NIN: variants seen among roughly 807,000 people sequenced by gnomAD.
NIN encodes ninein.
In NIN, 137 loss-of-function variants were observed where a neutral mutation model predicts 257.6. That is an observed-to-expected ratio of 0.53 (90% CI 0.46 to 0.61). The LOEUF (loss-of-function observed/expected upper bound fraction) is 0.61, where lower values mean the gene tolerates loss of function less well. NIN is among the 20% of genes least tolerant of loss of function. The probability of loss-of-function intolerance (pLI) is 0.00; values close to 1 mark genes in which losing one functional copy is unlikely to be tolerated. For synonymous variants in NIN, 918 were observed against 919.8 expected (o/e 1.00, Z 0.04); for missense variants, 2,439 against 2,501.2 (o/e 0.98, Z 0.53).
chr14:50,749,661 A>G (rs1438266277), intron 21 of NIN, among the ~76,000 whole-genome samples: 1 of 152,022 alleles, frequency 6.6e-6, no homozygotes, highest in East Asian at 1.9e-4. Context: ...TTAAATTTTT[A>G]TATCAATATG....
Position 50,777,274 on chromosome 14 carries a change from G to C in NIN, c.476-135C>G, listed in dbSNP as rs2042960125. ...ATAAATGTCAATTCCATTTTGATTT[G>C]GTCCTGAAGCTCCCATGAAACAGAA... On this transcript the variant is annotated intron_variant, in intron 6 of 30. Transcript: ENST00000530997. 4 of 696,294 alleles carry C rather than the reference G, an allele frequency of 5.7e-6. No individual in the cohort carries two copies. The South Asian group carries it at 8.1e-5, about 14-fold the overall frequency. 43.1% of individuals were successfully genotyped at this position (696,294 alleles called of 1,614,324 possible). A position where few individuals can be genotyped will look rare whatever the true frequency, so the allele number is the denominator to read the frequency against.
rs749099034 is a variant in NIN, at chr14:50,723,643, C to G, written c.6222G>C (p.Met2074Ile). The G allele has an allele frequency of 1.1e-5, 18 of 1,613,742 alleles. No homozygotes were observed. The highest frequency in any genetic ancestry group is 1.5e-5 in the Non-Finnish European group (18 of 1,179,804). ...QLCKNTKADA[M>I]VKDLYVENAQ... ...CATTTTCAACATACAAGTCCTTCACCATTGCGTCTGCCTTAGTGTTCTTGC... is the reference window on the plus strand; with the variant it reads ...CATTTTCAACATACAAGTCCTTCACGATTGCGTCTGCCTTAGTGTTCTTGC... Residue 2074 changes from methionine to isoleucine, a missense_variant, in exon 31 of 31, where the codon ATG (methionine) becomes ATC (isoleucine). Coordinates refer to ENST00000530997, the MANE Select transcript of NIN (RefSeq NM_020921.4).
At chr14:50,743,554 T>TAAAAGGGAAA (rs749277584) in intron 23 of NIN, 25 bp from the exon 24 acceptor site, 5 of 1,476,672 alleles carry the variant, frequency 3.4e-6, no homozygotes, top group Non-Finnish European at 1.9e-6. Flanking sequence ...GAAAAAGAGG[T>TAAAAGGGAAA]AAGAGGGCAT....
chr14:50,808,255 G>C (rs1373845770), intron 3 of NIN, among the ~76,000 whole-genome samples: 3 of 152,158 alleles, frequency 2.0e-5, no homozygotes, highest in Non-Finnish European at 4.4e-5. Context: ...GGGAGGGGCG[G>C]CCAGGTCCTG....
At position 50,806,809 on chromosome 14, in the gene NIN, C is replaced by T. The variant is rs1429396537; in HGVS notation, c.193G>A (p.Asp65Asn). ...AGTATTAATGCTTCTTTAAATTGGT[C>T]AAAATGTACCTAAAAAAAATTAAAA... ...QDNLLGRVHF[D>N]QFKEALILIL... Residue 65 changes from aspartate (D) to asparagine (N), a missense_variant, in exon 4 of 31, where the codon GAC becomes AAC. By Grantham distance (23) the Asp-to-Asn change is conservative. Around this residue, in one of 3 missense-constraint regions of NIN, gnomAD observed 387 missense variants for 427.3 expected, o/e 0.91. Coordinates refer to ENST00000530997, the MANE Select transcript of NIN (RefSeq NM_020921.4). 1 of 1,477,250 alleles carries T rather than the reference C, an allele frequency of 6.8e-7. No homozygotes were observed. Among genetic ancestry groups the T allele is most frequent in the Admixed American group, 1.8e-5 (1 of 56,448 alleles). The allele number at this position is 1,477,250 out of a possible 1,614,324, so 91.5% of individuals were successfully genotyped here.
intron 3 of NIN, among the ~76,000 whole-genome samples, chr14:50,812,831 A>G (rs2044699737): frequency 6.6e-6 from 1 of 152,250 alleles, no homozygotes; most frequent in South Asian, 2.1e-4. Flanking sequence ...ATTAACTCAG[A>G]GGCTCTTCAG....
rs746586999 is a variant in NIN, at chr14:50,758,255, T to TA, written c.2774dup (p.Ser926IlefsTer2). The TA allele has an allele frequency of 1.1e-5, 18 of 1,614,118 alleles. No individual in the cohort carries two copies. Among genetic ancestry groups the TA allele is most frequent in the Non-Finnish European group, 1.4e-5 (17 of 1,180,048 alleles). The stretch of plus-strand genomic sequence containing the variant: ...ACAGCAGGCTTTGCTGGGTTTCAGA[T>TA]ACATTTCTTAGGTCTTCCAGGTCTT... On this transcript the variant is annotated frameshift_variant, in exon 18 of 31. Transcript: ENST00000530997. LOFTEE classifies it high-confidence loss of function.
At chr14:50,747,060 G>C (rs2041579524) in intron 22 of NIN, among the ~76,000 whole-genome samples, 1 of 152,052 alleles carries the variant, frequency 6.6e-6, no homozygotes, top group Non-Finnish European at 1.5e-5. Flanking sequence ...TTGTCCTGTT[G>C]CCCAGGCTGG....
chr14:50,789,543 C>T (rs2141996624), intron 5 of NIN, among the ~76,000 whole-genome samples: 1 of 152,324 alleles, frequency 6.6e-6, no homozygotes, highest in East Asian at 1.9e-4. Context: ...TGCACTCCAG[C>T]CTGGGCGACA....
chr14:50,736,509 A>G (rs1322602945), intron 27 of NIN, among the ~76,000 whole-genome samples: 4 of 152,208 alleles, frequency 2.6e-5, no homozygotes, highest in African/African-American at 9.6e-5. Flanking sequence ...ATTGCTCAGT[A>G]AAAAACATAC....
rs750404371 is a variant in NIN, at chr14:50,754,682, A to G, written c.4665-50T>C. ...TTTAATGGTTAGGCTTTAAAAGCTG[A>G]AGTAAAAGAATTTTAGTCTTTGCAA... On this transcript the variant is annotated intron_variant, in intron 19 of 30. Coordinates refer to ENST00000530997, the MANE Select transcript of NIN (RefSeq NM_020921.4). The G allele has an allele frequency of 6.9e-6, 11 of 1,585,820 alleles. No individual in the cohort carries two copies. In the Admixed American group the frequency reaches 1.8e-4, roughly 26 times the overall value.
At chr14:50,809,902 C>G (rs2044502759) in intron 3 of NIN, among the ~76,000 whole-genome samples, 3 of 152,088 alleles carry the variant, frequency 2.0e-5, no homozygotes, top group Admixed American at 1.3e-4. Flanking sequence ...GAAAGAAACA[C>G]ATGGGATCAA....
In NIN at chr14:50,756,725, A is replaced by T; in HGVS notation, c.4305T>A (p.Thr1435=). The change falls in exon 18 of 31, where the codon ACT becomes ACA. Residue 1435 remains threonine, a synonymous_variant. Transcript: ENST00000530997. Reference sequence around the variant, plus strand: ...GTTTGTCTTGAAAGCCTAGGAGAGTAGTGTTTTCCTCCAGTATAACTTGAT... The same window carrying T: ...GTTTGTCTTGAAAGCCTAGGAGAGTTGTGTTTTCCTCCAGTATAACTTGAT... The part of the protein sequence containing the change: ...VQNQVILEEN[T]TLLGFQDKHF... 6.4e-7 allele frequency: 1 copy of T among 1,551,624 alleles called. No individual in the cohort carries two copies. The highest frequency in any genetic ancestry group is 8.7e-7 in the Non-Finnish European group (1 of 1,147,000).
intron 15 of NIN, among the ~76,000 whole-genome samples, 197 bp downstream of exon 15, chr14:50,763,618 CAAAATCAGATG>C (rs1375172911): frequency 3.3e-5 from 5 of 151,936 alleles, no homozygotes; most frequent in Non-Finnish European, 7.4e-5. Context: ...TGACGCATAT[CAAAATCAGATG>C]GAAATGTTCT....
chr14:50,729,959 A>G (rs2140352044), intron 28 of NIN, among the ~76,000 whole-genome samples: 1 of 152,370 alleles, frequency 6.6e-6, no homozygotes, highest in Non-Finnish European at 1.5e-5. Flanking sequence ...AGGCTTAAAA[A>G]GCCCTTCCCA....
intron 28 of NIN, among the ~76,000 whole-genome samples, chr14:50,734,722 C>T (rs1345878454): frequency 1.3e-5 from 2 of 152,124 alleles, no homozygotes; most frequent in African/African-American, 4.8e-5. Context: ...CACTGTCTCC[C>T]AAGCTGGAGT....
rs1302782008 is a variant in NIN at position 50,722,434 on chromosome 14, G to A, written c.*1029C>T. 1.4e-5 allele frequency: 3 copies of A among 209,808 alleles called. No homozygotes were observed. The highest frequency in any genetic ancestry group is 1.9e-4 in the South Asian group (1 of 5,268). The allele number at this position is 209,808 out of a possible 1,614,324, so 13.0% of individuals were successfully genotyped here. Reference sequence around the variant, plus strand: ...CCAGAATATTAAATTTACTAAAAACGTAGAAATAAAAATTCTAGTATGGCT... The same window carrying A: ...CCAGAATATTAAATTTACTAAAAACATAGAAATAAAAATTCTAGTATGGCT... On this transcript the variant is annotated 3_prime_UTR_variant, in exon 31 of 31. Coordinates refer to ENST00000530997, the MANE Select transcript of NIN (RefSeq NM_020921.4).
In NIN at chr14:50,818,850, A is replaced by C. The variant is rs182724328; in HGVS notation, c.183+3024T>G. ...ATTGGTAAAACACATAGAAATGGCA[A>C]GTTGATTTAAGTTACTTTCATTAAC... On this transcript the variant is annotated intron_variant, in intron 3 of 30. Transcript: ENST00000530997. Among the ~76,000 whole-genome samples the C allele has an allele frequency of 8.5e-5, 13 of 152,102 alleles. No homozygotes were observed. The East Asian group carries it at 2.5e-3, about 29-fold the overall frequency.
rs1029902223 is a variant in NIN, at chr14:50,721,585, A to T, written c.*1878T>A. ...ACAATTTTCTGTGAAAGCTAATGCC[A>T]TACAAGTAGTCAAACACTTACTAGA... is the stretch of plus-strand genomic sequence containing the variant. On this transcript the variant is annotated 3_prime_UTR_variant, in exon 31 of 31. Transcript: ENST00000530997. 1 of 217,710 alleles carries T rather than the reference A, an allele frequency of 4.6e-6. No individual in the cohort carries two copies. The highest frequency in any genetic ancestry group is 2.2e-5 in the African/African-American group (1 of 44,498). The allele number at this position is 217,710 out of a possible 1,614,324, so 13.5% of individuals were successfully genotyped here.
Sources: gnomAD v4.1 joint callset for allele counts (sites outside exome capture counted in the v4.1 genomes callset) on GRCh38, gnomAD v4.1.1 for gene constraint, gnomAD v4.1.1 regional missense constraint, MANE v1.5 for transcripts, NCBI Gene and HGNC (gene_info 2026-07-23, HGNC 2026-07-21) for gene names.